TMEM192: variants seen among roughly 807,000 people sequenced by gnomAD.
TMEM192 encodes the protein transmembrane protein 192.
Under a neutral mutation model 26.7 loss-of-function variants are expected in TMEM192, and 20 were observed. That is an observed-to-expected ratio of 0.75 (90% CI 0.53 to 1.09). The LOEUF (loss-of-function observed/expected upper bound fraction) is 1.09. Ranked by LOEUF, TMEM192 falls within the 50% of genes least tolerant of loss-of-function variation. The pLI is 0.00. For missense variants in TMEM192, 304 were observed against 322.6 expected, an observed-to-expected ratio of 0.94 and a Z score of 0.44; for synonymous variants, 124 against 121.0, an observed-to-expected ratio of 1.02 and a Z score of -0.16.
At chr4:165,100,111 A>G (rs537971213) in intron 3 of TMEM192, among the ~76,000 whole-genome samples, 10 of 152,288 alleles carry the variant, frequency 6.6e-5, no homozygotes, top group African/African-American at 2.4e-4. Flanking sequence ...GTTCATAACA[A>G]ATAACAGATT....
intron 1 of TMEM192, among the ~76,000 whole-genome samples, chr4:165,104,600 G>A (rs568105512): frequency 6.6e-6 from 1 of 152,134 alleles, no homozygotes; most frequent in African/African-American, 2.4e-5. Flanking sequence ...GCTCAATCTC[G>A]GCTCATTGCA....
At chr4:165,084,281 C>T (rs1734558696) in intron 5 of TMEM192, among the ~76,000 whole-genome samples, 4 of 151,618 alleles carry the variant, frequency 2.6e-5, no homozygotes, top group Admixed American at 2.6e-4. Context: ...TCACTGCAAC[C>T]TCTGTCTCCC....
At position 165,089,040 on chromosome 4, in the gene TMEM192, C is replaced by CA. The variant is rs56000323; in HGVS notation, c.440-439dup. On this transcript the variant is annotated intron_variant, in intron 3 of 5. Transcript: ENST00000306480. ...TGGGCAACAGAGCAAGACCCTACTG[C>CA]AAAAAAAAAAAAAAAAAAAAAAAAA... is the stretch of plus-strand genomic sequence containing the variant. Among the ~76,000 whole-genome samples, 18 of 47,294 alleles carry CA rather than the reference C, an allele frequency of 3.8e-4. 1 individual carries two copies. The highest frequency in any genetic ancestry group is 1.5e-3 in the South Asian group (1 of 686). The allele number at this position is 47,294 out of a possible 152,430, so 31.0% of individuals were successfully genotyped here.
chr4:165,079,811 G>A lies in TMEM192; in HGVS notation c.678-15C>T. 1 of 1,612,200 alleles carries A rather than the reference G, an allele frequency of 6.2e-7. No individual in the cohort carries two copies. The highest frequency in any genetic ancestry group is 8.5e-7 in the Non-Finnish European group (1 of 1,179,094). ...TTGAAATAGTTCTGCAAGTAATCAA[G>A]ATATAAATGGGTTACACATATTCAC... On this transcript the variant is annotated splice_polypyrimidine_tract_variant and intron_variant, in intron 5 of 5. Coordinates refer to ENST00000306480, the MANE Select transcript of TMEM192 (RefSeq NM_001100389.2).
intron 3 of TMEM192, among the ~76,000 whole-genome samples, chr4:165,096,233 C>A (rs1210586808): frequency 6.6e-6 from 1 of 151,874 alleles, no homozygotes; most frequent in African/African-American, 2.4e-5. Flanking sequence ...CATGGTGAAG[C>A]CTCGTCTCTA....
chr4:165,090,155 G>A (rs914415431), intron 3 of TMEM192, among the ~76,000 whole-genome samples: 11 of 147,320 alleles, frequency 7.5e-5, no homozygotes, highest in African/African-American at 1.3e-4. Flanking sequence ...AGGTTGCGGT[G>A]AGCCAAGATC....
chr4:165,100,426 G>A (rs1461360810), intron 3 of TMEM192, among the ~76,000 whole-genome samples: 1 of 152,076 alleles, frequency 6.6e-6, no homozygotes, highest in Non-Finnish European at 1.5e-5. Context: ...CCAAAGTGCT[G>A]GGATTATAGG....
rs1734528664 is a variant in TMEM192, at chr4:165,081,779, T to G, written c.678-1983A>C. Among the ~76,000 whole-genome samples the G allele has an allele frequency of 5.5e-5, 2 of 36,670 alleles. 1 individual carries two copies. Among genetic ancestry groups the G allele is most frequent in the African/African-American group, 9.9e-5 (2 of 20,262 alleles). The allele number at this position is 36,670 out of a possible 152,430, so 24.1% of individuals were successfully genotyped here. ...CCTCTGCCTCCCCGGTTCAAGCTATTCTTCTGCCTCAGCCTCTAGGATTAC... is the reference window on the plus strand; with the variant it reads ...CCTCTGCCTCCCCGGTTCAAGCTATGCTTCTGCCTCAGCCTCTAGGATTAC... On this transcript the variant is annotated intron_variant, in intron 5 of 5. Coordinates refer to ENST00000306480, the MANE Select transcript of TMEM192 (RefSeq NM_001100389.2).
chr4:165,098,842 C>T (rs1293029414), intron 3 of TMEM192, among the ~76,000 whole-genome samples: 13 of 151,588 alleles, frequency 8.6e-5, no homozygotes, highest in African/African-American at 2.2e-4. Context: ...GGACTACAGG[C>T]GCGTGCCACC....
At chr4:165,095,445 T>C (rs1734871789) in intron 3 of TMEM192, among the ~76,000 whole-genome samples, 1 of 152,176 alleles carries the variant, frequency 6.6e-6, no homozygotes, top group African/African-American at 2.4e-5. Context: ...CAGGCATTTC[T>C]ACAAGTCAAC....
intron 1 of TMEM192, among the ~76,000 whole-genome samples, chr4:165,108,422 T>C (rs958849160): frequency 6.6e-6 from 1 of 152,216 alleles, no homozygotes; most frequent in South Asian, 2.1e-4. Context: ...CACCCGGCCA[T>C]TTTCTGTAAT....
chr4:165,087,114 C>CA (rs536798457), intron 4 of TMEM192, among the ~76,000 whole-genome samples: 41 of 145,192 alleles, frequency 2.8e-4, no homozygotes, highest in Middle Eastern at 3.5e-3. Context: ...AACTCCAACT[C>CA]AAAAAAAAAA....
intron 3 of TMEM192, among the ~76,000 whole-genome samples, chr4:165,094,181 G>A (rs931546208): frequency 1.3e-5 from 2 of 152,128 alleles, no homozygotes; most frequent in Admixed American, 6.6e-5. Flanking sequence ...GATTACAGGC[G>A]TGAGCCACAG....
intron 3 of TMEM192, among the ~76,000 whole-genome samples, chr4:165,099,212 G>A (rs1004666835): frequency 4.1e-5 from 6 of 146,634 alleles, no homozygotes; most frequent in African/African-American, 1.5e-4. Flanking sequence ...TCAGCTTCCA[G>A]AGTAGCTGGG....
chr4:165,083,111 A>G (rs116726687), intron 5 of TMEM192, among the ~76,000 whole-genome samples: 5,070 of 39,904 alleles, frequency 0.13, 2,062 homozygotes, highest in African/African-American at 0.21. Flanking sequence ...CCATTAAGTC[A>G]TAAGAGAGCA....
chr4:165,072,822 A>T lies in TMEM192; in HGVS notation c.*6836T>A, dbSNP rs1734300412. ...TTTGAGGTGTTTTTTTATATACCCA[A>T]GTAGTGATCTAGAAGGGGCAGTTGG... On this transcript the variant is annotated 3_prime_UTR_variant, in exon 6 of 6. Coordinates refer to ENST00000306480, the MANE Select transcript of TMEM192 (RefSeq NM_001100389.2). 6.6e-6 allele frequency: 1 copy of T among 152,180 alleles called. No homozygotes were observed. The highest frequency in any genetic ancestry group is 1.5e-5 in the Non-Finnish European group (1 of 68,084). The allele number at this position is 152,180 out of a possible 1,614,324, so 9.4% of individuals were successfully genotyped here. A position where few individuals can be genotyped will look rare whatever the true frequency, so the allele number is the denominator to read the frequency against.
At chr4:165,084,125 T>C (rs1490005963) in intron 5 of TMEM192, among the ~76,000 whole-genome samples, 1 of 151,812 alleles carries the variant, frequency 6.6e-6, no homozygotes, top group Non-Finnish European at 1.5e-5. Flanking sequence ...CCAGTCATGT[T>C]TTTTTCTTTT....
In TMEM192 at chr4:165,092,112, C is replaced by CTTTTTTT. The variant is rs35641833; in HGVS notation, c.440-3517_440-3511dup. ...AATGCTGTTCTTTCTTAATGCTGTTCTTTTTTTTTTTTTTTTTTTTTTTTT... is the reference window on the plus strand; with the variant it reads ...AATGCTGTTCTTTCTTAATGCTGTTCTTTTTTTTTTTTTTTTTTTTTTTTTTTTTTTT... On this transcript the variant is annotated intron_variant, in intron 3 of 5. Transcript: ENST00000306480. Among the ~76,000 whole-genome samples the CTTTTTTT allele has an allele frequency of 1.7e-3, 125 of 72,070 alleles. 13 individuals are homozygous for CTTTTTTT. The highest frequency in any genetic ancestry group is 4.0e-3 in the African/African-American group (60 of 14,858). The allele number at this position is 72,070 out of a possible 152,430, so 47.3% of individuals were successfully genotyped here.
At chr4:165,111,137 T>C (rs1164272601) in intron 1 of TMEM192, among the ~76,000 whole-genome samples, 1 of 152,218 alleles carries the variant, frequency 6.6e-6, no homozygotes, top group Non-Finnish European at 1.5e-5. Context: ...TGTCGCTCTG[T>C]TGCCCCGGCT....
Sources: gnomAD v4.1 joint callset for allele counts (sites outside exome capture counted in the v4.1 genomes callset) on GRCh38, gnomAD v4.1.1 for gene constraint, MANE v1.5 for transcripts, NCBI Gene and HGNC (gene_info 2026-07-23, HGNC 2026-07-21) for gene names.